PTPRF: variants seen among roughly 807,000 people sequenced by gnomAD.
The protein encoded by PTPRF is protein tyrosine phosphatase receptor type F.
A neutral mutation model predicts 201.8 loss-of-function variants in PTPRF; 59 were observed. The observed-to-expected ratio is 0.29, with a 90% confidence interval of 0.24 to 0.36. The LOEUF (loss-of-function observed/expected upper bound fraction) is 0.36. Among genes scored for constraint, PTPRF ranks in the 10% least tolerant of loss-of-function variants. The pLI is 1.00. For synonymous variants in PTPRF, 1,088 were observed against 1,089.7 expected (o/e 1.00, Z 0.03); for missense variants, 2,132 against 2,690.5 (o/e 0.79, Z 4.59).
intron 7 of PTPRF, chr1:43,579,275 T>C (rs547611046): frequency 2.0e-5 from 10 of 499,350 alleles, no homozygotes; most frequent in East Asian, 5.7e-5. Flanking sequence ...GGCACACTTA[T>C]CTGTGTGTAA....
intron 7 of PTPRF, chr1:43,583,162 C>T (rs1391652214): frequency 2.1e-6 from 2 of 946,316 alleles, no homozygotes; most frequent in Non-Finnish European, 2.5e-6. Flanking sequence ...CAGTAGGGCC[C>T]AGCGGGCTCG....
intron 13 of PTPRF, among the ~76,000 whole-genome samples, chr1:43,600,051 C>T (rs56183937): frequency 2.6e-5 from 4 of 152,322 alleles, no homozygotes. Context: ...TCCAGCTGGG[C>T]TCAGCCATCT....
intron 1 of PTPRF, among the ~76,000 whole-genome samples, chr1:43,533,934 G>C (rs893484331): frequency 9.9e-5 from 15 of 152,192 alleles, no homozygotes; most frequent in Admixed American, 9.8e-4. Flanking sequence ...AGAAGAGGCA[G>C]CCCACCCCTA....
intron 7 of PTPRF, among the ~76,000 whole-genome samples, chr1:43,583,888 C>T (rs933760274): frequency 1.3e-5 from 2 of 152,238 alleles, no homozygotes; most frequent in African/African-American, 4.8e-5. Context: ...AGCCCACCAG[C>T]CAGCTAACTG....
intron 25 of PTPRF, among the ~76,000 whole-genome samples, chr1:43,618,214 A>G (rs1466048799): frequency 6.6e-6 from 1 of 152,152 alleles, no homozygotes; most frequent in Non-Finnish European, 1.5e-5. Flanking sequence ...TGTGTTCCCC[A>G]GATGCTGGAG....
intron 20 of PTPRF, 111 bp from the exon 21 acceptor site, chr1:43,606,703 G>A (rs1655206715): frequency 1.4e-6 from 2 of 1,436,842 alleles, no homozygotes; most frequent in African/African-American, 1.4e-5. Flanking sequence ...GGGTCTGGGA[G>A]ACCAGGCCCA....
chr1:43,531,606 C>A (rs1305255771), intron 1 of PTPRF, among the ~76,000 whole-genome samples: 2 of 149,640 alleles, frequency 1.3e-5, no homozygotes, highest in African/African-American at 4.9e-5. Flanking sequence ...CCGGCGCGCC[C>A]GGGTCTCGCT....
At chr1:43,533,634 AC>A (rs1643828657) in intron 1 of PTPRF, among the ~76,000 whole-genome samples, 1 of 152,030 alleles carries the variant, frequency 6.6e-6, no homozygotes, top group Admixed American at 6.5e-5. Context: ...AGCTAATCCA[AC>A]CCGGACTGGG....
chr1:43,606,580 G>A (rs1481715969), intron 20 of PTPRF, 122 bp downstream of exon 20: 1 of 1,148,462 alleles, frequency 8.7e-7, no homozygotes, highest in South Asian at 1.5e-5. Context: ...GAGATCCTGG[G>A]GCAGCACTAA....
At chr1:43,605,074 C>A in intron 17 of PTPRF, 74 bp downstream of exon 17, 1 of 1,583,630 alleles carries the variant, frequency 6.3e-7, no homozygotes, top group Non-Finnish European at 8.6e-7. Flanking sequence ...CAGTCCTAAC[C>A]CATGTGCATC....
chr1:43,579,013 A>G, intron 7 of PTPRF, 93 bp downstream of exon 7: 10 of 1,139,324 alleles, frequency 8.8e-6, no homozygotes, highest in Non-Finnish European at 1.3e-5. Flanking sequence ...CAGACACGCA[A>G]GGGACTGCCA....
rs371580676 is a variant in PTPRF at position 43,564,692 on chromosome 1, G to T, written c.380-4898G>T. Among the ~76,000 whole-genome samples the T allele has an allele frequency of 2.2e-3, 340 of 152,308 alleles. 3 individuals carry two copies. Among genetic ancestry groups the T allele is most frequent in the Non-Finnish European group, 4.3e-3 (291 of 68,030 alleles). On this transcript the variant is annotated intron_variant, in intron 5 of 33. Transcript: ENST00000359947. ...CCCAACACTCAAGCTTAGGGGAGGC[G>T]GTCAGGCTCACAGACGGTGCCACCC... is the stretch of plus-strand genomic sequence containing the variant.
intron 5 of PTPRF, among the ~76,000 whole-genome samples, chr1:43,560,276 C>T (rs1017553673): frequency 4.7e-5 from 7 of 148,880 alleles, no homozygotes; most frequent in African/African-American, 1.5e-4. Context: ...CATGCGCACA[C>T]GCAACAGGCA....
Position 43,606,367 on chromosome 1 carries a change from A to G in PTPRF, c.3611A>G (p.Lys1204Arg). Residue 1204 changes from lysine (K) to arginine (R), a missense_variant, in exon 20 of 34, where the codon AAG becomes AGG. By Grantham distance (26) the Lys-to-Arg change is conservative. This residue lies in a region of PTPRF where 818 missense variants were observed against 915.3 expected (regional missense o/e 0.89). Transcript: ENST00000359947. The stretch of plus-strand genomic sequence containing the variant: ...GAGACCTTTACCTTGGGGGACAAGA[A>G]GAACTACCGGGGCTTCTACAACCGG... ...LPETFTLGDK[K>R]NYRGFYNRPL... 3 of 1,614,198 alleles carry G rather than the reference A, an allele frequency of 1.9e-6. No homozygotes were observed. Among genetic ancestry groups the G allele is most frequent in the Non-Finnish European group, 2.5e-6 (3 of 1,180,012 alleles).
chr1:43,590,984 C>T lies in PTPRF; in HGVS notation c.962C>T (p.Pro321Leu). Reference sequence around the variant, plus strand: ...ACTTTGTCTCCAGCTCTTCCAAAGCCTCCGATTGATCTTGTGGTGACAGAG... The same window carrying T: ...ACTTTGTCTCCAGCTCTTCCAAAGCTTCCGATTGATCTTGTGGTGACAGAG... The part of the protein sequence containing the change: ...AQVTVKALPK[P>L]PIDLVVTETT... The change falls in exon 9 of 34, where the codon CCT becomes CTT. Residue 321 changes from proline (P) to leucine (L), a missense_variant. Transcript: ENST00000359947. The T allele has an allele frequency of 1.2e-6, 2 of 1,608,716 alleles. No homozygotes were observed. Among genetic ancestry groups the T allele is most frequent in the Non-Finnish European group, 8.5e-7 (1 of 1,175,656 alleles).
chr1:43,615,317 C>T (rs144424350), intron 23 of PTPRF, among the ~76,000 whole-genome samples: 25 of 152,308 alleles, frequency 1.6e-4, no homozygotes, highest in Middle Eastern at 6.8e-3. Flanking sequence ...CCCATGGCCT[C>T]CACCCACACT....
intron 27 of PTPRF, 42 bp downstream of exon 27, chr1:43,619,244 G>GGGGGA: frequency 1.8e-6 from 1 of 563,408 alleles, no homozygotes; most frequent in Non-Finnish European, 3.4e-6. Context: ...GGTGGGGTGG[G>GGGGGA]AGGTGGGGGC....
At chr1:43,592,419 G>T (rs1651041629) in intron 10 of PTPRF, 38 bp from the exon 11 acceptor site, 1 of 1,575,272 alleles carries the variant, frequency 6.3e-7, no homozygotes, top group African/African-American at 1.3e-5. Flanking sequence ...GTGACTTTGA[G>T]CTCAGAGCTG....
chr1:43,557,113 G>A (rs1466061197), intron 5 of PTPRF, among the ~76,000 whole-genome samples: 1 of 152,182 alleles, frequency 6.6e-6, no homozygotes, highest in Non-Finnish European at 1.5e-5. Context: ...TTTGGGAGGT[G>A]GCTGAAGGAC....
Sources: gnomAD v4.1 joint callset for allele counts (sites outside exome capture counted in the v4.1 genomes callset) on GRCh38, gnomAD v4.1.1 for gene constraint, gnomAD v4.1.1 regional missense constraint, MANE v1.5 for transcripts, NCBI Gene and HGNC (gene_info 2026-07-23, HGNC 2026-07-21) for gene names.